EPHA6: variants seen among roughly 807,000 people sequenced by gnomAD.
EPHA6 encodes EPH receptor A6.
Under a neutral mutation model 112.0 loss-of-function variants are expected in EPHA6, and 50 were observed. The ratio of observed to expected loss-of-function variants is 0.45; its 90% confidence interval spans 0.36 to 0.56. The LOEUF is 0.56. EPHA6 is among the 20% of genes least tolerant of loss of function. The probability of loss-of-function intolerance (pLI) is 0.00; values close to 1 mark genes in which losing one functional copy is unlikely to be tolerated. For missense variants in EPHA6, 1,280 were observed against 1,417.4 expected (o/e 0.90, Z 1.56); for synonymous variants, 529 against 490.7 (o/e 1.08, Z -1.03).
At chr3:97,671,283 C>G (rs532285670) in intron 14 of EPHA6, among the ~76,000 whole-genome samples, 3 of 151,934 alleles carry the variant, frequency 2.0e-5, no homozygotes, top group African/African-American at 7.2e-5. Context: ...ATCTCCTGCT[C>G]CTCTCTCTCT....
At chr3:97,026,462 G>T (rs1269082348) in intron 3 of EPHA6, among the ~76,000 whole-genome samples, 1 of 152,120 alleles carries the variant, frequency 6.6e-6, no homozygotes, top group Non-Finnish European at 1.5e-5. Context: ...TCCTTGCAGA[G>T]ATCTTTCACC....
chr3:97,166,409 A>G (rs571833194), intron 3 of EPHA6, among the ~76,000 whole-genome samples: 10 of 151,708 alleles, frequency 6.6e-5, no homozygotes, highest in Admixed American at 5.3e-4. Context: ...AATGGCTTCT[A>G]TGATGTTGGG....
intron 3 of EPHA6, among the ~76,000 whole-genome samples, chr3:97,056,564 A>C (rs2108104978): frequency 6.6e-6 from 1 of 152,276 alleles, no homozygotes; most frequent in Middle Eastern, 3.4e-3. Context: ...GTACTGTATA[A>C]CGCCAGAAGT....
At chr3:97,690,782 A>G (rs1486645325) in intron 14 of EPHA6, among the ~76,000 whole-genome samples, 1 of 151,964 alleles carries the variant, frequency 6.6e-6, no homozygotes. Flanking sequence ...CCATTTTTTA[A>G]ATTGAGCTAT....
intron 5 of EPHA6, among the ~76,000 whole-genome samples, chr3:97,391,047 G>A (rs1200684096): frequency 1.3e-5 from 2 of 151,884 alleles, no homozygotes; most frequent in Non-Finnish European, 2.9e-5. Context: ...AATCAATACT[G>A]CATGTTCAAA....
chr3:97,655,171 GT>G (rs1365082767), intron 14 of EPHA6, among the ~76,000 whole-genome samples: 1 of 149,604 alleles, frequency 6.7e-6, no homozygotes, highest in African/African-American at 2.4e-5. Context: ...ATGTTTTGGG[GT>G]TTTTTGTTTC....
intron 1 of EPHA6, among the ~76,000 whole-genome samples, chr3:96,817,777 T>C (rs1334648549): frequency 1.3e-5 from 2 of 151,928 alleles, no homozygotes; most frequent in Non-Finnish European, 2.9e-5. Flanking sequence ...ATCCCCATTT[T>C]TCCATACATA....
At chr3:97,209,653 T>C (rs1025778779) in intron 3 of EPHA6, among the ~76,000 whole-genome samples, 2 of 152,244 alleles carry the variant, frequency 1.3e-5, no homozygotes, top group African/African-American at 4.8e-5. Flanking sequence ...CAATAATTTT[T>C]ACATTATTTT....
At chr3:97,221,752 C>T (rs2078207314) in intron 3 of EPHA6, among the ~76,000 whole-genome samples, 1 of 152,064 alleles carries the variant, frequency 6.6e-6, no homozygotes, top group Non-Finnish European at 1.5e-5. Context: ...AAACTAAAGG[C>T]TGGGTGCGGT....
intron 2 of EPHA6, among the ~76,000 whole-genome samples, chr3:96,922,052 G>A (rs190585539): frequency 6.6e-4 from 100 of 151,998 alleles, no homozygotes; most frequent in Middle Eastern, 3.4e-3. Context: ...GAGAGAGAGA[G>A]AAAAAGAGAA....
chr3:97,151,273 T>G (rs557999248), intron 3 of EPHA6, among the ~76,000 whole-genome samples: 1 of 152,162 alleles, frequency 6.6e-6, no homozygotes, highest in East Asian at 1.9e-4. Flanking sequence ...TTAACTCCAC[T>G]TAGAAGTGAT....
At chr3:97,727,408 C>T (rs1576361596) in intron 15 of EPHA6, among the ~76,000 whole-genome samples, 1 of 152,008 alleles carries the variant, frequency 6.6e-6, no homozygotes, top group Non-Finnish European at 1.5e-5. Flanking sequence ...TTTTACTGTA[C>T]TTCCTGTTTG....
At chr3:97,075,392 C>T (rs1158709346) in intron 3 of EPHA6, among the ~76,000 whole-genome samples, 3 of 151,946 alleles carry the variant, frequency 2.0e-5, no homozygotes, top group Admixed American at 6.6e-5. Flanking sequence ...ATTTTTACTA[C>T]TGAAATAATT....
intron 3 of EPHA6, among the ~76,000 whole-genome samples, chr3:96,994,732 T>TATATAGAGAGAGAGAGAG (rs1170197805): frequency 8.5e-5 from 7 of 82,198 alleles, no homozygotes; most frequent in African/African-American, 2.6e-4. Flanking sequence ...TATATATATA[T>TATATAGAGAGAGAGAGAG]AGAGAGAGAG....
intron 3 of EPHA6, among the ~76,000 whole-genome samples, chr3:97,023,520 T>C (rs1457677614): frequency 6.6e-6 from 1 of 152,132 alleles, no homozygotes; most frequent in Non-Finnish European, 1.5e-5. Context: ...AAGATTTTTT[T>C]CATGTTCTTA....
intron 1 of EPHA6, among the ~76,000 whole-genome samples, chr3:96,844,565 A>G (rs2034957155): frequency 6.6e-6 from 1 of 152,014 alleles, no homozygotes; most frequent in African/African-American, 2.4e-5. Flanking sequence ...TTAATATGGA[A>G]TATCTGAGTT....
intron 3 of EPHA6, among the ~76,000 whole-genome samples, chr3:96,998,909 A>C (rs764667566): frequency 6.6e-6 from 1 of 151,978 alleles, no homozygotes; most frequent in Non-Finnish European, 1.5e-5. Flanking sequence ...CACTTTGACT[A>C]TGCCTAGTTA....
chr3:96,889,446 C>T (rs751581946), intron 2 of EPHA6, among the ~76,000 whole-genome samples: 2 of 152,058 alleles, frequency 1.3e-5, no homozygotes, highest in Non-Finnish European at 2.9e-5. Flanking sequence ...ACAGTCAGGG[C>T]GGAACGTGAA....
chr3:97,430,006 A>C (rs980257301), intron 6 of EPHA6, among the ~76,000 whole-genome samples: 1 of 152,194 alleles, frequency 6.6e-6, no homozygotes, highest in African/African-American at 2.4e-5. Context: ...CAAGCTTCCA[A>C]AGAGAATGTG....
Sources: gnomAD v4.1 joint callset for allele counts (sites outside exome capture counted in the v4.1 genomes callset) on GRCh38, gnomAD v4.1.1 for gene constraint, MANE v1.5 for transcripts, NCBI Gene and HGNC (gene_info 2026-07-23, HGNC 2026-07-21) for gene names.